Variants in RRAS2 observed in about 807,000 individuals in gnomAD.
RRAS2 encodes RAS related 2.
RRAS2 carries 7 observed loss-of-function variants against 27.6 expected under a neutral mutation model. The ratio of observed to expected loss-of-function variants is 0.25; its 90% CI spans 0.14 to 0.48. The LOEUF is 0.48. Among genes scored for constraint, RRAS2 ranks in the 20% least tolerant of loss-of-function variants. The pLI, the probability that RRAS2 is intolerant of heterozygous loss-of-function variation, is 0.99. For missense variants in RRAS2, 178 were observed against 256.2 expected, an observed-to-expected ratio of 0.69 and a Z score of 2.08; for synonymous variants, 86 against 90.9, an observed-to-expected ratio of 0.95 and a Z score of 0.31.
chr11:14,353,344 T>C (rs1162210439), intron 1 of RRAS2, among the ~76,000 whole-genome samples: 1 of 152,002 alleles, frequency 6.6e-6, no homozygotes, highest in Non-Finnish European at 1.5e-5. Context: ...CCAGGCATGG[T>C]GCAGGCCCAG....
intron 1 of RRAS2, among the ~76,000 whole-genome samples, chr11:14,311,590 T>C (rs1309362849): frequency 2.0e-5 from 3 of 151,502 alleles, no homozygotes; most frequent in Non-Finnish European, 4.4e-5. Flanking sequence ...TGGTCTTGAA[T>C]TCCTGATCTC....
intron 4 of RRAS2, among the ~76,000 whole-genome samples, chr11:14,284,917 G>C (rs1431163595): frequency 2.6e-5 from 4 of 152,032 alleles, no homozygotes; most frequent in East Asian, 1.9e-4. Context: ...ATTTAAAGTA[G>C]ATTTCTTGTA....
rs1373556427 is a variant in RRAS2 at position 14,358,720 on chromosome 11, C to CCCG, written c.108+40_108+42dup. 4.2e-6 allele frequency: 5 copies of CCCG among 1,201,876 alleles called. No individual in the cohort carries two copies. The South Asian group carries it at 1.2e-4, about 28-fold the overall frequency. 74.5% of individuals were successfully genotyped at this position (1,201,876 alleles called of 1,614,324 possible). On this transcript the variant is annotated intron_variant, in intron 1 of 5. Coordinates refer to ENST00000256196, the MANE Select transcript of RRAS2 (RefSeq NM_012250.6). This position sits in a 1 kb window ranked among gnomAD's most constrained non-coding sequence, Gnocchi z 5.1. ...CCGCCACAGGTAGCGCCAGCCCCCG[C>CCCG]CCGCCGCCGCTCCGGCGCCCCGGGC...
chr11:14,313,518 T>C (rs1404654491), intron 1 of RRAS2, among the ~76,000 whole-genome samples: 6 of 152,206 alleles, frequency 3.9e-5, no homozygotes, highest in African/African-American at 1.4e-4. Context: ...TACCTATGAA[T>C]ATGACCGTAT....
chr11:14,329,064 T>TAC (rs1445455662), intron 1 of RRAS2, among the ~76,000 whole-genome samples: 5 of 78,908 alleles, frequency 6.3e-5, no homozygotes, highest in Non-Finnish European at 1.4e-4. Context: ...CACACACATA[T>TAC]ACATACACAC....
At chr11:14,349,640 T>C (rs1222645702) in intron 1 of RRAS2, among the ~76,000 whole-genome samples, 2 of 152,108 alleles carry the variant, frequency 1.3e-5, no homozygotes. Context: ...GTATAGACAA[T>C]TGCTTCAAAA....
At chr11:14,307,186 C>T (rs1305752703) in intron 1 of RRAS2, among the ~76,000 whole-genome samples, 1 of 150,524 alleles carries the variant, frequency 6.6e-6, no homozygotes, top group Non-Finnish European at 1.5e-5. Context: ...GGAGACCCTG[C>T]CCCCTCCCCC....
rs1554955856 is a variant in RRAS2, at chr11:14,358,820, G to C, written c.51C>G (p.Leu17=). Residue 17 remains leucine, a synonymous_variant, in exon 1 of 6, where the codon CTC becomes CTG. Transcript: ENST00000256196. The surrounding 1 kb of genome is among the most constrained non-coding windows in gnomAD (Gnocchi z 5.1). ...RDGSGQEKYR[L]VVVGGGGVGK... is the part of the protein sequence containing the mutation. ...CCACGCCGCCCCCGCCGACCACCACGAGCCGGTACTTCTCCTGGCCGGAGC... is the reference window on the plus strand; with the variant it reads ...CCACGCCGCCCCCGCCGACCACCACCAGCCGGTACTTCTCCTGGCCGGAGC... The C allele has an allele frequency of 1.3e-6, 2 of 1,494,338 alleles. No homozygotes were observed. The highest frequency in any genetic ancestry group is 1.2e-5 in the South Asian group (1 of 83,120). The allele number at this position is 1,494,338 out of a possible 1,614,324, so 92.6% of individuals were successfully genotyped here. A position where few individuals can be genotyped will look rare whatever the true frequency, so the allele number is the denominator to read the frequency against.
chr11:14,338,963 A>C (rs1554952886), intron 1 of RRAS2, among the ~76,000 whole-genome samples: 1 of 152,144 alleles, frequency 6.6e-6, no homozygotes, highest in Non-Finnish European at 1.5e-5. Flanking sequence ...TACTACGCCC[A>C]AAAGACCAAA....
chr11:14,294,429 A>G, intron 4 of RRAS2, 42 bp downstream of exon 4: 1 of 1,300,952 alleles, frequency 7.7e-7, no homozygotes, highest in Non-Finnish European at 1.1e-6. Flanking sequence ...CACTCACATG[A>G]TTATAAACAA....
intron 1 of RRAS2, among the ~76,000 whole-genome samples, chr11:14,322,276 C>CA (rs34223441): frequency 0.32 from 43,951 of 139,334 alleles, 7,135 homozygotes; most frequent in South Asian, 0.44. Context: ...ACCAAAAATA[C>CA]AAAAAAAAAA....
intron 1 of RRAS2, among the ~76,000 whole-genome samples, chr11:14,335,586 CAA>C (rs1187933804): frequency 2.6e-5 from 4 of 151,938 alleles, no homozygotes; most frequent in Non-Finnish European, 2.9e-5. Context: ...CTTAATAAAC[CAA>C]AAAGCCCTTA....
At chr11:14,343,652 G>A (rs1438444135) in intron 1 of RRAS2, among the ~76,000 whole-genome samples, 2 of 151,916 alleles carry the variant, frequency 1.3e-5, no homozygotes, top group Admixed American at 6.6e-5. Flanking sequence ...GCAGCACGGC[G>A]AAACCCCGTC....
intron 4 of RRAS2, among the ~76,000 whole-genome samples, chr11:14,292,862 C>CT (rs1211677562): frequency 6.6e-6 from 1 of 151,844 alleles, no homozygotes; most frequent in Non-Finnish European, 1.5e-5. Context: ...AATCCCAGCA[C>CT]TTTGGGAGGC....
At chr11:14,306,254 T>C (rs940463880) in intron 1 of RRAS2, among the ~76,000 whole-genome samples, 2 of 128,522 alleles carry the variant, frequency 1.6e-5, no homozygotes, top group Non-Finnish European at 3.5e-5. Flanking sequence ...TATCTTATCA[T>C]TGAATGTAAG....
intron 1 of RRAS2, among the ~76,000 whole-genome samples, chr11:14,327,699 A>C (rs1200969289): frequency 6.6e-6 from 1 of 152,228 alleles, no homozygotes; most frequent in Non-Finnish European, 1.5e-5. Flanking sequence ...TCCCCTATTT[A>C]GCCAGACTCT....
chr11:14,297,772 AT>A (rs1443163507), intron 1 of RRAS2, among the ~76,000 whole-genome samples: 4 of 152,024 alleles, frequency 2.6e-5, no homozygotes, highest in African/African-American at 7.3e-5. Flanking sequence ...TCTTAAAAAA[AT>A]TTTTTTTAAA....
chr11:14,359,774 G>A (rs1445928816), upstream of RRAS2, among the ~76,000 whole-genome samples: 2 of 152,208 alleles, frequency 1.3e-5, no homozygotes, highest in African/African-American at 4.8e-5. Flanking sequence ...TGGATATGAG[G>A]AGTGTGAGTG....
intron 1 of RRAS2, among the ~76,000 whole-genome samples, chr11:14,307,501 GC>G (rs1554948273): frequency 7.1e-6 from 1 of 141,496 alleles, no homozygotes; most frequent in African/African-American, 2.6e-5. Context: ...TGATTCTCCT[GC>G]CTCAGCCTCC....
Sources: allele counts gnomAD v4.1 joint callset (sites outside exome capture counted in the v4.1 genomes callset), GRCh38; gene constraint gnomAD v4.1.1; non-coding constraint Gnocchi (gnomAD v3.1); transcripts MANE v1.5; gene names NCBI Gene and HGNC (gene_info 2026-07-23, HGNC 2026-07-21).